The following ABHD5 variants were observed in gnomAD, a reference collection of about 807,000 sequenced individuals.
ABHD5 encodes the protein 1-acylglycerol-3-phosphate O-acyltransferase ABHD5.
A neutral mutation model predicts 44.9 loss-of-function variants in ABHD5; 30 were observed. That is an observed-to-expected ratio of 0.67 (90% CI 0.50 to 0.91). ABHD5 has a LOEUF of 0.91. ABHD5 is among the 40% of genes least tolerant of loss of function. The probability of loss-of-function intolerance (pLI) is 0.00; values close to 1 mark genes in which losing one functional copy is unlikely to be tolerated. For missense variants in ABHD5, 399 were observed against 423.4 expected, an observed-to-expected ratio of 0.94 and a Z score of 0.50; for synonymous variants, 167 against 147.0, an observed-to-expected ratio of 1.14 and a Z score of -0.99.
At chr3:43,705,454 T>TAC (rs1173315657) in intron 3 of ABHD5, among the ~76,000 whole-genome samples, 4 of 152,142 alleles carry the variant, frequency 2.6e-5, no homozygotes, top group East Asian at 1.9e-4. Flanking sequence ...TTCTAACATT[T>TAC]ACACACACAC....
At chr3:43,711,649 T>C in intron 3 of ABHD5, 60 bp from the exon 4 acceptor site, 1 of 1,581,254 alleles carries the variant, frequency 6.3e-7, no homozygotes, top group Non-Finnish European at 8.7e-7. Flanking sequence ...TCATGTTAGC[T>C]CTTTATAGTC....
chr3:43,706,980 A>G (rs1324020320), intron 3 of ABHD5, among the ~76,000 whole-genome samples: 1 of 152,204 alleles, frequency 6.6e-6, no homozygotes, highest in Non-Finnish European at 1.5e-5. Flanking sequence ...GGACAGTTTG[A>G]AGAGAAGAAT....
chr3:43,701,895 T>A (rs2084546204), intron 2 of ABHD5: 1 of 220,492 alleles, frequency 4.5e-6, no homozygotes, highest in Non-Finnish European at 9.0e-6. Flanking sequence ...AACCACTAAG[T>A]TCCTTTTCAC....
intron 4 of ABHD5, 146 bp from the exon 5 acceptor site, chr3:43,714,801 C>T (rs2084739334): frequency 1.8e-6 from 1 of 558,668 alleles, no homozygotes; most frequent in South Asian, 2.0e-5. Context: ...GTGCTTTTTC[C>T]CACCTACAAT....
intron 1 of ABHD5, among the ~76,000 whole-genome samples, chr3:43,697,116 A>G (rs1038874807): frequency 6.6e-6 from 1 of 152,188 alleles, no homozygotes; most frequent in African/African-American, 2.4e-5. Context: ...GGTAAGTGGT[A>G]AGTTGGTGGA....
intron 3 of ABHD5, among the ~76,000 whole-genome samples, chr3:43,705,692 T>A (rs1417655979): frequency 6.6e-6 from 1 of 152,188 alleles, no homozygotes; most frequent in African/African-American, 2.4e-5. Context: ...TCTCCCTAGC[T>A]TTTTTCCTTC....
rs199611327 is a variant in ABHD5, at chr3:43,711,662, A to G, written c.507-47A>G. The G allele has an allele frequency of 8.1e-6, 13 of 1,603,044 alleles. No individual in the cohort carries two copies. In the East Asian group the frequency reaches 2.9e-4, roughly 36 times the overall value. On this transcript the variant is annotated intron_variant, in intron 3 of 6. Transcript: ENST00000644371. ...AATCATGTTAGCTCTTTATAGTCTT[A>G]GGGTGATTTTACCAAATGAACTTAA...
chr3:43,701,993 T>G (rs2084547342), intron 2 of ABHD5: 1 of 491,568 alleles, frequency 2.0e-6, no homozygotes, highest in South Asian at 2.9e-5. Context: ...CACAGGTTAC[T>G]TGAGGTTTGT....
Position 43,721,180 on chromosome 3 carries a change from A to G in ABHD5, c.*2648A>G, listed in dbSNP as rs1284921043. The G allele has an allele frequency of 6.6e-6, 1 of 152,150 alleles. No homozygotes were observed. The highest frequency in any genetic ancestry group is 1.5e-5 in the Non-Finnish European group (1 of 68,038). The allele number at this position is 152,150 out of a possible 1,614,324, so 9.4% of individuals were successfully genotyped here. A position where few individuals can be genotyped will look rare whatever the true frequency, so the allele number is the denominator to read the frequency against. ...CTAGGAATTTAGTACATGATAAAGC[A>G]TCTCATTCAGAGAAAAAGGCTTTAA... is the stretch of plus-strand genomic sequence containing the variant. On this transcript the variant is annotated 3_prime_UTR_variant, in exon 7 of 7. Coordinates refer to ENST00000644371, the MANE Select transcript of ABHD5 (RefSeq NM_016006.6).
At chr3:43,709,447 A>G (rs1269323758) in intron 3 of ABHD5, among the ~76,000 whole-genome samples, 2 of 152,232 alleles carry the variant, frequency 1.3e-5, no homozygotes, top group African/African-American at 4.8e-5. Flanking sequence ...CTACAGACAG[A>G]TGAGACTTCT....
At chr3:43,705,337 A>G (rs927751151) in intron 3 of ABHD5, among the ~76,000 whole-genome samples, 1 of 152,202 alleles carries the variant, frequency 6.6e-6, no homozygotes, top group Non-Finnish European at 1.5e-5. Context: ...CCTTTTGCCC[A>G]GTTAGTCTAC....
intron 3 of ABHD5, among the ~76,000 whole-genome samples, chr3:43,708,697 G>A (rs1259819503): frequency 6.6e-6 from 1 of 152,152 alleles, no homozygotes. Context: ...ATTTTCTGGG[G>A]TCTTTACATG....
intron 4 of ABHD5, 53 bp downstream of exon 4, chr3:43,711,916 A>G (rs1157873481): frequency 1.2e-6 from 2 of 1,610,062 alleles, no homozygotes; most frequent in African/African-American, 2.7e-5. Context: ...TGAGAAGAGC[A>G]GAATTCACTA....
chr3:43,725,651 G>C (rs57513220), downstream of ABHD5, among the ~76,000 whole-genome samples: 4,195 of 152,244 alleles, frequency 0.028, 186 homozygotes, highest in African/African-American at 0.094. Context: ...GGGGTCACTT[G>C]GCTAACAGAT....
At chr3:43,727,602 TTTTGTTTG>T (rs139096338), downstream of ABHD5, among the ~76,000 whole-genome samples, 315 of 152,150 alleles carry the variant, frequency 2.1e-3, 1 homozygote, top group Non-Finnish European at 3.5e-3. Flanking sequence ...TACTACTGTT[TTTTGTTTG>T]TTTGTTTGTT....
intron 3 of ABHD5, 73 bp downstream of exon 3, chr3:43,702,660 T>G: frequency 1.1e-5 from 17 of 1,609,924 alleles, no homozygotes; most frequent in Non-Finnish European, 1.4e-5. Flanking sequence ...CCATCTTTGG[T>G]GGTTGTTAGT....
rs767379534 is a variant in ABHD5 at position 43,720,495 on chromosome 3, CTTT to C, written c.*1966_*1968del. On this transcript the variant is annotated 3_prime_UTR_variant, in exon 7 of 7. Coordinates refer to ENST00000644371, the MANE Select transcript of ABHD5 (RefSeq NM_016006.6). The stretch of plus-strand genomic sequence containing the variant: ...GCTTTATTTGAAAGATGTTGTAACT[CTTT>C]TTAAAGTTAGATTTTACCCTGAGGT... The C allele has an allele frequency of 1.3e-4, 20 of 152,222 alleles. No homozygotes were observed. Among genetic ancestry groups the C allele is most frequent in the Non-Finnish European group, 2.5e-4 (17 of 68,004 alleles). 9.4% of individuals were successfully genotyped at this position (152,222 alleles called of 1,614,324 possible).
intron 4 of ABHD5, 143 bp downstream of exon 4, chr3:43,712,006 T>G: frequency 9.3e-7 from 1 of 1,073,194 alleles, no homozygotes; most frequent in Non-Finnish European, 1.4e-6. Flanking sequence ...AAGTACCATG[T>G]CTTGCACAAA....
chr3:43,700,975 T>TA (rs1188223781), intron 2 of ABHD5, among the ~76,000 whole-genome samples: 2 of 152,022 alleles, frequency 1.3e-5, no homozygotes, highest in Non-Finnish European at 2.9e-5. Context: ...TTTACCAAAA[T>TA]AAAAAAATTC....
Sources: gnomAD v4.1 joint callset for allele counts (sites outside exome capture counted in the v4.1 genomes callset) on GRCh38, gnomAD v4.1.1 for gene constraint, MANE v1.5 for transcripts, NCBI Gene and HGNC (gene_info 2026-07-23, HGNC 2026-07-21) for gene names.